Variants in ARNT2 observed in about 807,000 individuals in gnomAD.
ARNT2 encodes aryl hydrocarbon receptor nuclear translocator 2, also known as ARNT protein 2.
ARNT2 carries 36 observed loss-of-function variants against 91.7 expected under a neutral mutation model. The observed-to-expected ratio is 0.39, with a 90% CI of 0.30 to 0.52. The LOEUF (loss-of-function observed/expected upper bound fraction) is 0.52, where lower values mean the gene tolerates loss of function less well. Ranked by LOEUF, ARNT2 falls within the 20% of genes least tolerant of loss-of-function variation. The pLI is 0.72. For synonymous variants in ARNT2, 365 were observed against 347.1 expected (o/e 1.05, Z -0.57); for missense variants, 775 against 939.3 (o/e 0.83, Z 2.29).
At chr15:80,429,626 A>G (rs982696322) in intron 1 of ARNT2, among the ~76,000 whole-genome samples, 1 of 152,182 alleles carries the variant, frequency 6.6e-6, no homozygotes. Context: ...GGAACTCCCA[A>G]TTTATATTCG....
At chr15:80,456,159 C>T (rs1280739544) in intron 2 of ARNT2, among the ~76,000 whole-genome samples, 1 of 152,162 alleles carries the variant, frequency 6.6e-6, no homozygotes, top group African/African-American at 2.4e-5. Flanking sequence ...ATTCAGCTCC[C>T]ACTTGTCCAC....
chr15:80,485,443 C>T (rs1038022294), intron 5 of ARNT2, among the ~76,000 whole-genome samples: 5 of 152,192 alleles, frequency 3.3e-5, no homozygotes, highest in African/African-American at 9.6e-5. Flanking sequence ...TGAATAAAAC[C>T]CATGTGGCCT....
intron 17 of ARNT2, among the ~76,000 whole-genome samples, chr15:80,590,255 A>C (rs1382867838): frequency 1.3e-5 from 2 of 152,180 alleles, no homozygotes; most frequent in Non-Finnish European, 2.9e-5. Context: ...CAGAGAGCCC[A>C]TTATCTCCAA....
chr15:80,478,415 A>G (rs1896838808), intron 5 of ARNT2, among the ~76,000 whole-genome samples: 1 of 152,212 alleles, frequency 6.6e-6, no homozygotes, highest in Non-Finnish European at 1.5e-5. Flanking sequence ...GGCGATGTGA[A>G]CCACATTTGG....
intron 3 of ARNT2, among the ~76,000 whole-genome samples, chr15:80,460,336 G>A (rs1258177836): frequency 6.6e-6 from 1 of 152,178 alleles, no homozygotes; most frequent in Non-Finnish European, 1.5e-5. Flanking sequence ...CTCAATTATA[G>A]GAATTTGATA....
At chr15:80,439,331 T>C (rs955729998) in intron 1 of ARNT2, among the ~76,000 whole-genome samples, 2 of 152,222 alleles carry the variant, frequency 1.3e-5, no homozygotes, top group Non-Finnish European at 2.9e-5. Flanking sequence ...CCATTGATCA[T>C]GCACAAGTTC....
At chr15:80,460,530 G>A (rs1004611437) in intron 3 of ARNT2, among the ~76,000 whole-genome samples, 14 of 152,316 alleles carry the variant, frequency 9.2e-5, no homozygotes, top group Middle Eastern at 3.4e-3. Flanking sequence ...TCTCAGGCCC[G>A]CTCCACCACA....
intron 1 of ARNT2, among the ~76,000 whole-genome samples, chr15:80,412,016 T>C (rs1472456590): frequency 6.6e-6 from 1 of 152,240 alleles, no homozygotes; most frequent in Non-Finnish European, 1.5e-5. Context: ...CAGGCTGGCT[T>C]TGAGATTCAG....
At chr15:80,569,845 C>T (rs968086114) in intron 12 of ARNT2, among the ~76,000 whole-genome samples, 4 of 152,268 alleles carry the variant, frequency 2.6e-5, no homozygotes, top group Non-Finnish European at 4.4e-5. Context: ...CCCACTTCGC[C>T]CCTTGGCCAG....
chr15:80,410,539 AAG>A (rs1895666002), intron 1 of ARNT2, among the ~76,000 whole-genome samples: 1 of 152,124 alleles, frequency 6.6e-6, no homozygotes, highest in Non-Finnish European at 1.5e-5. Context: ...GAAGGAAACA[AAG>A]AGGGATGTTG....
At position 80,531,676 on chromosome 15, in the gene ARNT2, G is replaced by A. The variant is rs142008252; in HGVS notation, c.877+17271G>A. The stretch of plus-strand genomic sequence containing the variant: ...TTTGGTTCTGTTTTCCCCACTAACC[G>A]GTAAAATCCTTGAGTAGGAGCTGGA... On this transcript the variant is annotated intron_variant, in intron 8 of 18. Transcript: ENST00000303329. 2.9e-4 allele frequency among the ~76,000 whole-genome samples: 44 copies of A among 152,296 alleles called. 1 individual carries two copies. The highest frequency in any genetic ancestry group is 6.2e-4 in the South Asian group (3 of 4,818).
At chr15:80,510,459 A>G (rs1029200911) in intron 6 of ARNT2, among the ~76,000 whole-genome samples, 2 of 152,330 alleles carry the variant, frequency 1.3e-5, no homozygotes, top group Non-Finnish European at 2.9e-5. Flanking sequence ...AAAGCTCAAT[A>G]TCACTGATTA....
intron 1 of ARNT2, among the ~76,000 whole-genome samples, chr15:80,449,840 C>T (rs1007610142): frequency 1.3e-5 from 2 of 152,232 alleles, no homozygotes; most frequent in African/African-American, 2.4e-5. Context: ...TCTCTCTCCA[C>T]TAAGAAGGGC....
At chr15:80,439,689 A>C in intron 1 of ARNT2, among the ~76,000 whole-genome samples, 1 of 152,306 alleles carries the variant, frequency 6.6e-6, no homozygotes. Context: ...TGGACAGTCA[A>C]CATGCATCTT....
intron 8 of ARNT2, among the ~76,000 whole-genome samples, chr15:80,534,959 A>G (rs1439224466): frequency 1.1e-4 from 16 of 152,154 alleles, no homozygotes; most frequent in Admixed American, 9.8e-4. Context: ...GACAAGATTT[A>G]GTGGGAGGAA....
chr15:80,593,562 C>T (rs1440984906), intron 18 of ARNT2, 38 bp from the exon 19 acceptor site: 6 of 1,486,450 alleles, frequency 4.0e-6, no homozygotes, highest in Non-Finnish European at 5.5e-6. Context: ...GACAGAGGAG[C>T]TGACTCCCCT....
chr15:80,554,242 C>T (rs1285712961), intron 10 of ARNT2, among the ~76,000 whole-genome samples: 1 of 152,084 alleles, frequency 6.6e-6, no homozygotes, highest in African/African-American at 2.4e-5. Flanking sequence ...AACCCTGTCT[C>T]TACTGAAAAT....
chr15:80,418,138 A>G (rs1292794837), intron 1 of ARNT2, among the ~76,000 whole-genome samples: 1 of 152,202 alleles, frequency 6.6e-6, no homozygotes, highest in Non-Finnish European at 1.5e-5. Flanking sequence ...CCAGCCCAGC[A>G]GTGAAAAGTT....
intron 11 of ARNT2, chr15:80,559,940 A>G (rs1898297491): frequency 6.6e-6 from 1 of 152,466 alleles, no homozygotes; most frequent in Admixed American, 6.5e-5. Context: ...TGCACCATGC[A>G]TAGCCAATCC....
Sources: allele counts gnomAD v4.1 joint callset (sites outside exome capture counted in the v4.1 genomes callset), GRCh38; gene constraint gnomAD v4.1.1; transcripts MANE v1.5; gene names NCBI Gene and HGNC (gene_info 2026-07-23, HGNC 2026-07-21).